C8orf89: variants seen among roughly 807,000 people sequenced by gnomAD.
C8orf89 encodes chromosome 8 open reading frame 89, also known as putative uncharacterized protein C8orf89.
Under a neutral mutation model 15.8 loss-of-function variants are expected in C8orf89, and 14 were observed. That is an observed-to-expected ratio of 0.89 (90% CI 0.59 to 1.39). The LOEUF (loss-of-function observed/expected upper bound fraction) is 1.39, where lower values mean the gene tolerates loss of function less well. Among genes scored for constraint, C8orf89 ranks in the 40% most tolerant of loss-of-function variants. The pLI is 0.00. For synonymous variants in C8orf89, 55 were observed against 62.2 expected (o/e 0.88, Z 0.54); for missense variants, 181 against 184.5 (o/e 0.98, Z 0.11).
the C8orf89 span, among the ~76,000 whole-genome samples, chr8:73,268,245 C>T: frequency 2.0e-5 from 3 of 151,926 alleles, no homozygotes; most frequent in Admixed American, 6.6e-5. Flanking sequence ...TTTGGGAGGC[C>T]GAGGCAGGCA....
At chr8:73,245,089 C>T (rs1393809905) in intron 3 of C8orf89, among the ~76,000 whole-genome samples, 1 of 152,046 alleles carries the variant, frequency 6.6e-6, no homozygotes, top group Non-Finnish European at 1.5e-5. Flanking sequence ...GAGAACCAAG[C>T]AAAAGGGGTT....
At chr8:73,268,453 T>C in the C8orf89 span, among the ~76,000 whole-genome samples, 33 of 151,590 alleles carry the variant, frequency 2.2e-4, no homozygotes, top group Admixed American at 9.9e-4. Context: ...CACTCCAGCC[T>C]GGGCGACAGG....
At chr8:73,272,917 C>T in the C8orf89 span, among the ~76,000 whole-genome samples, 1 of 152,156 alleles carries the variant, frequency 6.6e-6, no homozygotes, top group Non-Finnish European at 1.5e-5. Flanking sequence ...AATCCAATAG[C>T]TACTAACTGT....
At chr8:73,258,826 T>C (rs7014921) in intron 1 of C8orf89, among the ~76,000 whole-genome samples, 3 of 152,002 alleles carry the variant, frequency 2.0e-5, no homozygotes, top group African/African-American at 7.3e-5. Flanking sequence ...AGATGGGGTA[T>C]CACCATGTTG....
At chr8:73,244,510 A>G (rs1296059159) in intron 3 of C8orf89, among the ~76,000 whole-genome samples, 2 of 152,246 alleles carry the variant, frequency 1.3e-5, no homozygotes, top group East Asian at 1.9e-4. Context: ...AAATATTTCT[A>G]TTTAAAAACA....
At chr8:73,272,517 T>C in the C8orf89 span, among the ~76,000 whole-genome samples, 36 of 152,208 alleles carry the variant, frequency 2.4e-4, 2 homozygotes, top group South Asian at 8.3e-4. Flanking sequence ...AGGTTTATTA[T>C]ATATGTATAC....
At chr8:73,275,231 C>CTTTTTTT in the C8orf89 span, among the ~76,000 whole-genome samples, 2 of 84,744 alleles carry the variant, frequency 2.4e-5, no homozygotes, top group African/African-American at 5.0e-5. Flanking sequence ...TGTAATAGTT[C>CTTTTTTT]TTTTTTTTTT....
At chr8:73,281,157 A>C in the C8orf89 span, among the ~76,000 whole-genome samples, 1 of 152,134 alleles carries the variant, frequency 6.6e-6, no homozygotes, top group Non-Finnish European at 1.5e-5. Context: ...GGTGGCTCAC[A>C]CCTGTCATCC....
the C8orf89 span, among the ~76,000 whole-genome samples, chr8:73,272,137 C>A: frequency 6.6e-6 from 1 of 152,110 alleles, no homozygotes; most frequent in African/African-American, 2.4e-5. Context: ...GGTGAAACTA[C>A]AAACTTAGAT....
chr8:73,264,556 T>A, the C8orf89 span, among the ~76,000 whole-genome samples: 11 of 152,192 alleles, frequency 7.2e-5, no homozygotes, highest in Non-Finnish European at 1.3e-4. Flanking sequence ...AGTGGCGCGA[T>A]CTCGGCTCAC....
the C8orf89 span, chr8:73,277,452 T>C: frequency 1.8e-6 from 2 of 1,095,788 alleles, no homozygotes; most frequent in East Asian, 4.7e-5. Flanking sequence ...CAAATTCTTT[T>C]TCTCGGTGCT....
the C8orf89 span, among the ~76,000 whole-genome samples, chr8:73,284,595 G>C: frequency 2.0e-5 from 3 of 151,838 alleles, no homozygotes; most frequent in African/African-American, 7.2e-5. Context: ...AAGGAAAAAA[G>C]AAGGAAGAAT....
chr8:73,263,115 A>G (rs527713232), upstream of C8orf89, among the ~76,000 whole-genome samples: 34 of 152,236 alleles, frequency 2.2e-4, no homozygotes, highest in Non-Finnish European at 4.1e-4. Flanking sequence ...TCAAATTACC[A>G]GTAAAGAGAA....
chr8:73,251,890 G>A (rs1028745071), intron 2 of C8orf89, among the ~76,000 whole-genome samples: 1 of 152,272 alleles, frequency 6.6e-6, no homozygotes, highest in Admixed American at 6.5e-5. Flanking sequence ...TCCCCAAAGG[G>A]CACTGTGACC....
intron 2 of C8orf89, among the ~76,000 whole-genome samples, chr8:73,252,604 C>T: frequency 6.6e-6 from 1 of 151,948 alleles, no homozygotes; most frequent in East Asian, 1.9e-4. Flanking sequence ...TTAACCTGTT[C>T]CAGCTCTCTA....
At chr8:73,284,042 TAAAAA>T in the C8orf89 span, among the ~76,000 whole-genome samples, 1 of 134,912 alleles carries the variant, frequency 7.4e-6, no homozygotes, top group Non-Finnish European at 1.6e-5. Flanking sequence ...AACTCTGTCT[TAAAAA>T]AAAAAAAGAA....
the C8orf89 span, among the ~76,000 whole-genome samples, chr8:73,281,446 ATATT>A: frequency 5.0e-3 from 755 of 152,278 alleles, 5 homozygotes; most frequent in South Asian, 0.016. Context: ...ATTGAGAAAG[ATATT>A]TATTTATTCA....
chr8:73,269,704 C>T, the C8orf89 span, among the ~76,000 whole-genome samples: 1 of 152,176 alleles, frequency 6.6e-6, no homozygotes, highest in East Asian at 1.9e-4. Context: ...TGTCTGCCTC[C>T]TCCAATAATA....
At chr8:73,253,591 T>A (rs1277351550) in intron 2 of C8orf89, among the ~76,000 whole-genome samples, 1 of 151,740 alleles carries the variant, frequency 6.6e-6, no homozygotes, top group Non-Finnish European at 1.5e-5. Flanking sequence ...TTCCATTTGT[T>A]TGTATCCTCT....
Sources: allele counts gnomAD v4.1 joint callset (sites outside exome capture counted in the v4.1 genomes callset), GRCh38; gene constraint gnomAD v4.1.1; transcripts MANE v1.5; gene names NCBI Gene and HGNC (gene_info 2026-07-23, HGNC 2026-07-21).